WDFY2: variants seen among roughly 807,000 people sequenced by gnomAD.
WDFY2 encodes WD repeat and FYVE domain-containing protein 2.
WDFY2 carries 36 observed loss-of-function variants against 56.4 expected under a neutral mutation model. The observed-to-expected ratio is 0.64, with a 90% CI of 0.49 to 0.84. The LOEUF is 0.84. WDFY2 is among the 40% of genes least tolerant of loss of function. The probability of loss-of-function intolerance (pLI) is 0.00; values close to 1 mark genes in which losing one functional copy is unlikely to be tolerated. For synonymous variants in WDFY2, 176 were observed against 183.7 expected (o/e 0.96, Z 0.34); for missense variants, 444 against 512.2 (o/e 0.87, Z 1.29).
At chr13:51,657,936 G>A (rs1254573356) in intron 1 of WDFY2, among the ~76,000 whole-genome samples, 2 of 151,986 alleles carry the variant, frequency 1.3e-5, no homozygotes, top group African/African-American at 2.4e-5. Flanking sequence ...CTTCATGGAT[G>A]GTTTCTGTCA....
At chr13:51,742,904 G>C (rs1408992497) in intron 7 of WDFY2, among the ~76,000 whole-genome samples, 2 of 152,168 alleles carry the variant, frequency 1.3e-5, no homozygotes, top group South Asian at 2.1e-4. Flanking sequence ...TTTGTTGTAA[G>C]AGTCCTCAAA....
At chr13:51,742,880 C>T (rs902765842) in intron 7 of WDFY2, among the ~76,000 whole-genome samples, 3 of 152,194 alleles carry the variant, frequency 2.0e-5, no homozygotes, top group Non-Finnish European at 2.9e-5. Context: ...ACTACTCTTA[C>T]CACATATGAG....
intron 1 of WDFY2, among the ~76,000 whole-genome samples, chr13:51,639,557 CAT>C (rs1206662164): frequency 6.6e-6 from 1 of 150,754 alleles, no homozygotes; most frequent in Non-Finnish European, 1.5e-5. Context: ...CCCTACAAAA[CAT>C]ATCAGATTTA....
chr13:51,740,890 C>T (rs781132440), intron 7 of WDFY2, among the ~76,000 whole-genome samples: 7 of 152,134 alleles, frequency 4.6e-5, no homozygotes, highest in South Asian at 4.1e-4. Flanking sequence ...TTTATTTGTA[C>T]GCAGTGGTTA....
intron 1 of WDFY2, among the ~76,000 whole-genome samples, chr13:51,630,435 G>A (rs1225915364): frequency 4.7e-5 from 7 of 149,008 alleles, no homozygotes; most frequent in Non-Finnish European, 1.0e-4. Context: ...AATTTTTTTG[G>A]TGTTTTAAAC....
chr13:51,684,375 T>G (rs1956025633), intron 3 of WDFY2, among the ~76,000 whole-genome samples: 1 of 151,970 alleles, frequency 6.6e-6, no homozygotes, highest in African/African-American at 2.4e-5. Flanking sequence ...GGTGTTTTTT[T>G]TTTTTTTTTA....
chr13:51,746,101 A>G lies in WDFY2; in HGVS notation c.726-5209A>G, dbSNP rs1465082540. Among the ~76,000 whole-genome samples, 3 of 149,408 alleles carry G rather than the reference A, an allele frequency of 2.0e-5. No individual in the cohort carries two copies. In the Admixed American group the frequency reaches 2.0e-4, roughly 10 times the overall value. On this transcript the variant is annotated intron_variant, in intron 7 of 11. Coordinates refer to ENST00000298125, the MANE Select transcript of WDFY2 (RefSeq NM_052950.4). ...AGCTATTCTCCTGCCTCAGCCTCCC[A>G]AGTAGCTGGGATTACATGGGATTAC...
intron 7 of WDFY2, among the ~76,000 whole-genome samples, chr13:51,745,514 C>T (rs1953074022): frequency 6.6e-6 from 1 of 151,924 alleles, no homozygotes; most frequent in Non-Finnish European, 1.5e-5. Context: ...GCAGTAATAT[C>T]AGTATTCTTT....
chr13:51,625,572 C>A (rs530962148), intron 1 of WDFY2, among the ~76,000 whole-genome samples: 7 of 152,222 alleles, frequency 4.6e-5, no homozygotes, highest in African/African-American at 1.7e-4. Flanking sequence ...CACTAAAATT[C>A]GGTACCCATT....
At chr13:51,726,468 A>G (rs1484587070) in intron 5 of WDFY2, among the ~76,000 whole-genome samples, 2 of 152,206 alleles carry the variant, frequency 1.3e-5, no homozygotes, top group African/African-American at 4.8e-5. Context: ...CTTTAGAAAT[A>G]GGGTTGCTAG....
intron 1 of WDFY2, chr13:51,594,146 T>G (rs1456559502): frequency 1.3e-5 from 2 of 152,240 alleles, no homozygotes; most frequent in South Asian, 2.1e-4. Context: ...CCAGAACTTC[T>G]GGGCTCAAGT....
At chr13:51,663,909 A>T (rs1348099501) in intron 2 of WDFY2, among the ~76,000 whole-genome samples, 3 of 152,244 alleles carry the variant, frequency 2.0e-5, no homozygotes, top group Non-Finnish European at 4.4e-5. Flanking sequence ...GAAGAAAATA[A>T]AAAGAAAATA....
intron 1 of WDFY2, among the ~76,000 whole-genome samples, chr13:51,596,942 A>G (rs375975639): frequency 1.3e-5 from 2 of 152,214 alleles, no homozygotes; most frequent in East Asian, 3.8e-4. Context: ...TTAAGTTTGA[A>G]CAATTTAATT....
chr13:51,728,990 T>C (rs1443956657), intron 6 of WDFY2, among the ~76,000 whole-genome samples: 1 of 152,176 alleles, frequency 6.6e-6, no homozygotes, highest in African/African-American at 2.4e-5. Flanking sequence ...CTGTTTCCCC[T>C]TGTGGCGCAT....
intron 1 of WDFY2, among the ~76,000 whole-genome samples, chr13:51,632,258 C>G (rs1037455744): frequency 6.6e-6 from 1 of 152,098 alleles, no homozygotes; most frequent in East Asian, 1.9e-4. Context: ...CAAAGCTCTC[C>G]TAGGATGAGC....
chr13:51,739,426 A>C (rs1280229434), intron 7 of WDFY2, among the ~76,000 whole-genome samples: 1 of 152,206 alleles, frequency 6.6e-6, no homozygotes, highest in Non-Finnish European at 1.5e-5. Flanking sequence ...TGAATAAATA[A>C]AAGGTAAAAA....
intron 4 of WDFY2, among the ~76,000 whole-genome samples, chr13:51,714,242 A>G (rs1952293357): frequency 6.6e-6 from 1 of 151,224 alleles, no homozygotes; most frequent in Non-Finnish European, 1.5e-5. Context: ...CAGTGTTGAC[A>G]AGGATGTGGA....
chr13:51,766,167 G>T lies in WDFY2; in HGVS notation c.*6398G>T, dbSNP rs918085464. The T allele has an allele frequency of 2.8e-4, 42 of 152,226 alleles. No individual in the cohort carries two copies. The highest frequency in any genetic ancestry group is 9.6e-4 in the African/African-American group (40 of 41,466). The allele number at this position is 152,226 out of a possible 1,614,324, so 9.4% of individuals were successfully genotyped here. A position where few individuals can be genotyped will look rare whatever the true frequency, so the allele number is the denominator to read the frequency against. On this transcript the variant is annotated 3_prime_UTR_variant, in exon 12 of 12. Transcript: ENST00000298125. The stretch of plus-strand genomic sequence containing the variant: ...GTAACCATTGTACTCTTATGGATTT[G>T]TGTCTTACACCATTTGCCTTGCTTT...
At chr13:51,620,514 G>A (rs1025961583) in intron 1 of WDFY2, among the ~76,000 whole-genome samples, 1 of 151,948 alleles carries the variant, frequency 6.6e-6, no homozygotes, top group African/African-American at 2.4e-5. Flanking sequence ...TGCCCTAGTG[G>A]TCCCTGAAAC....
Sources: gnomAD v4.1 joint callset for allele counts (sites outside exome capture counted in the v4.1 genomes callset) on GRCh38, gnomAD v4.1.1 for gene constraint, MANE v1.5 for transcripts, NCBI Gene and HGNC (gene_info 2026-07-23, HGNC 2026-07-21) for gene names.